Variants in SOX6 observed in about 807,000 individuals in gnomAD.
SOX6 encodes the protein SRY-box transcription factor 6, also known as transcription factor SOX-6.
In SOX6, 11 loss-of-function variants were observed where a neutral mutation model predicts 97.8. That is an observed-to-expected ratio of 0.11 (90% CI 0.07 to 0.19). SOX6 has a LOEUF of 0.19. SOX6 is among the 10% of genes least tolerant of loss of function. The pLI, the probability that SOX6 is intolerant of heterozygous loss-of-function variation, is 1.00. For missense variants in SOX6, 810 were observed against 1,039.5 expected (o/e 0.78, Z 3.04); for synonymous variants, 360 against 371.4 (o/e 0.97, Z 0.35).
At chr11:16,209,120 C>T (rs1301336463) in intron 4 of SOX6, among the ~76,000 whole-genome samples, 1 of 152,158 alleles carries the variant, frequency 6.6e-6, no homozygotes, top group East Asian at 1.9e-4. Context: ...GAAATTGTAA[C>T]ATAATGCCAC....
intron 3 of SOX6, among the ~76,000 whole-genome samples, chr11:16,288,055 A>G (rs1854803702): frequency 1.3e-5 from 2 of 152,118 alleles, no homozygotes; most frequent in Admixed American, 1.3e-4. Flanking sequence ...GCTGCCTTTC[A>G]TACTTTACAG....
chr11:16,049,679 T>A, intron 11 of SOX6, 76 bp downstream of exon 11: 1 of 1,535,076 alleles, frequency 6.5e-7, no homozygotes, highest in South Asian at 1.2e-5. Flanking sequence ...GAAACAAGTA[T>A]CAGTCGTAAC....
chr11:15,990,019 G>C (rs552162654), intron 13 of SOX6, among the ~76,000 whole-genome samples: 2 of 152,094 alleles, frequency 1.3e-5, no homozygotes, highest in Non-Finnish European at 2.9e-5. Context: ...AAGTGAGTGG[G>C]AGAGGGAGTA....
chr11:15,976,981 G>A (rs1853505378), intron 15 of SOX6, among the ~76,000 whole-genome samples: 1 of 152,046 alleles, frequency 6.6e-6, no homozygotes, highest in Admixed American at 6.6e-5. Context: ...TGGGCCTGGA[G>A]GTGGGGTAGT....
At position 16,521,296 on chromosome 11, in the gene SOX6, G is replaced by A. The variant is rs189565283; in HGVS notation, n.610-44908C>T. 2.0e-3 allele frequency among the ~76,000 whole-genome samples: 311 copies of A among 152,240 alleles called. 1 individual carries two copies. The highest frequency in any genetic ancestry group is 4.2e-3 in the Admixed American group (64 of 15,290). ...TCTGAGACAAAACTTCCAGAGGAAC[G>A]ATCAGACAGCAGCATTCGCGATTCA... On this transcript the variant is annotated intron_variant and non_coding_transcript_variant, in intron 4 of 5. Coordinates refer to the SOX6 transcript ENST00000524520.
In SOX6 at chr11:16,667,055, C is replaced by T. The variant is rs577514401; in HGVS notation, n.429+47775G>A. Among the ~76,000 whole-genome samples the T allele has an allele frequency of 7.0e-5, 9 of 129,420 alleles. 1 individual carries two copies. In the South Asian group the frequency reaches 2.6e-3, roughly 37 times the overall value. 84.9% of individuals were successfully genotyped at this position (129,420 alleles called of 152,430 possible). A position where few individuals can be genotyped will look rare whatever the true frequency, so the allele number is the denominator to read the frequency against. Reference sequence around the variant, plus strand: ...ATAACATGGCAAAATCCCATCTCTACCAAAAAATTAAAAAAAAAAAAAAGT... The same window carrying T: ...ATAACATGGCAAAATCCCATCTCTATCAAAAAATTAAAAAAAAAAAAAAGT... On this transcript the variant is annotated intron_variant and non_coding_transcript_variant, in intron 3 of 5. Coordinates refer to the SOX6 transcript ENST00000524520.
At position 15,969,073 on chromosome 11, in the gene SOX6, A is replaced by ATTTTTTT. The variant is rs60907927; in HGVS notation, c.*3729_*3735dup. 1.1e-5 allele frequency: 1 copy of ATTTTTTT among 90,620 alleles called. No individual in the cohort carries two copies. 5.6% of individuals were successfully genotyped at this position (90,620 alleles called of 1,614,324 possible). A position where few individuals can be genotyped will look rare whatever the true frequency, so the allele number is the denominator to read the frequency against. ...CCTTTTCCTTCCATTCCATATGGCT[A>ATTTTTTT]TTTTTTTTTTTTTTTTTTTTTGGGA... On this transcript the variant is annotated 3_prime_UTR_variant, in exon 16 of 16. Transcript: ENST00000683767.
At chr11:16,612,494 T>G (rs1460648011) in intron 3 of SOX6, among the ~76,000 whole-genome samples, 3 of 151,916 alleles carry the variant, frequency 2.0e-5, no homozygotes, top group African/African-American at 7.3e-5. Context: ...TATTTAATCT[T>G]TTTGGCATCT....
chr11:16,523,660 C>CA (rs1434968354), intron 4 of SOX6, among the ~76,000 whole-genome samples: 5 of 151,798 alleles, frequency 3.3e-5, no homozygotes, highest in Admixed American at 2.0e-4. Flanking sequence ...AATAGAGACA[C>CA]AAAAAACACT....
At position 16,234,637 on chromosome 11, in the gene SOX6, A is replaced by G. The variant is rs911119312; in HGVS notation, c.480T>C (p.Asp160=). Residue 160 remains aspartate (D), a synonymous_variant, in exon 4 of 16, where the codon GAT becomes GAC. Coordinates refer to ENST00000683767, the MANE Select transcript of SOX6 (RefSeq NM_001367873.1). The stretch of plus-strand genomic sequence containing the variant: ...TTAGTCTTTCCATTTTTTCCTTCCA[A>G]TCTTTTGAAAGTAGTTTTTCCATGC... ...SSCMEKLLSK[D]WKEKMERLNT... is the part of the protein sequence containing the mutation. 5.6e-6 allele frequency: 9 copies of G among 1,597,918 alleles called. No individual in the cohort carries two copies. The highest frequency in any genetic ancestry group is 1.1e-5 in the South Asian group (1 of 89,718).
chr11:16,170,058 T>A (rs1266336589), intron 6 of SOX6, among the ~76,000 whole-genome samples: 1 of 152,080 alleles, frequency 6.6e-6, no homozygotes, highest in Admixed American at 6.6e-5. Flanking sequence ...CTGTGTTGGT[T>A]CTTTTAAATA....
chr11:16,129,258 A>C (rs1849680834), intron 6 of SOX6, among the ~76,000 whole-genome samples: 1 of 152,122 alleles, frequency 6.6e-6, no homozygotes, highest in Non-Finnish European at 1.5e-5. Context: ...CTTAAACATA[A>C]ACCTACATCA....
intron 4 of SOX6, among the ~76,000 whole-genome samples, chr11:16,603,847 G>T (rs1055021584): frequency 6.6e-6 from 1 of 152,176 alleles, no homozygotes; most frequent in African/African-American, 2.4e-5. Context: ...CCAAGACAAG[G>T]CTACACTGTC....
intron 15 of SOX6, among the ~76,000 whole-genome samples, chr11:15,983,480 A>G (rs912382918): frequency 6.6e-6 from 1 of 152,168 alleles, no homozygotes; most frequent in African/African-American, 2.4e-5. Context: ...AAAATCAGCT[A>G]TAAAAATTGA....
intron 3 of SOX6, among the ~76,000 whole-genome samples, chr11:16,269,203 C>T (rs1405737088): frequency 2.0e-5 from 3 of 150,760 alleles, no homozygotes; most frequent in East Asian, 1.9e-4. Flanking sequence ...ATTTGAAATG[C>T]TAACTTCATT....
At chr11:15,990,396 A>C (rs1042901003) in intron 13 of SOX6, among the ~76,000 whole-genome samples, 2 of 151,778 alleles carry the variant, frequency 1.3e-5, no homozygotes, top group African/African-American at 4.8e-5. Flanking sequence ...CTATGCCTAA[A>C]TTCCTGATGC....
chr11:16,543,688 A>G (rs1382278218), intron 4 of SOX6, among the ~76,000 whole-genome samples: 1 of 152,240 alleles, frequency 6.6e-6, no homozygotes, highest in Non-Finnish European at 1.5e-5. Context: ...GCACATGAAA[A>G]GATGCTCAAA....
intron 4 of SOX6, among the ~76,000 whole-genome samples, chr11:16,587,025 C>A (rs1006003883): frequency 5.9e-5 from 9 of 152,158 alleles, no homozygotes; most frequent in African/African-American, 1.9e-4. Context: ...TAACACCATG[C>A]CATGCAAAGC....
intron 2 of SOX6, among the ~76,000 whole-genome samples, chr11:16,328,380 C>T (rs1448445325): frequency 5.3e-5 from 8 of 152,118 alleles, no homozygotes; most frequent in African/African-American, 1.7e-4. Flanking sequence ...GAAGTTAACA[C>T]AATAGCAAAA....
Sources: allele counts gnomAD v4.1 joint callset (sites outside exome capture counted in the v4.1 genomes callset), GRCh38; gene constraint gnomAD v4.1.1; transcripts MANE v1.5; gene names NCBI Gene and HGNC (gene_info 2026-07-23, HGNC 2026-07-21).